Variants in ULK4 observed in about 807,000 individuals in gnomAD.
The protein encoded by ULK4 is inactive serine/threonine-protein kinase ULK4.
In ULK4, 133 loss-of-function variants were observed where a neutral mutation model predicts 160.6. That is an observed-to-expected ratio of 0.83 (90% CI 0.72 to 0.96). The LOEUF (loss-of-function observed/expected upper bound fraction) is 0.96, where lower values mean the gene tolerates loss of function less well. Ranked by LOEUF, ULK4 falls within the 40% of genes least tolerant of loss-of-function variation. The probability of loss-of-function intolerance (pLI) is 0.00; values close to 1 mark genes in which losing one functional copy is unlikely to be tolerated. For missense variants in ULK4, 1,580 were observed against 1,499.5 expected, an observed-to-expected ratio of 1.05 and a Z score of -0.89; for synonymous variants, 534 against 539.8, an observed-to-expected ratio of 0.99 and a Z score of 0.15.
chr3:41,682,853 T>C (rs2035967656), intron 27 of ULK4, among the ~76,000 whole-genome samples: 1 of 152,208 alleles, frequency 6.6e-6, no homozygotes, highest in Non-Finnish European at 1.5e-5. Flanking sequence ...CTGCTATCAA[T>C]ACTACCAACA....
At chr3:41,746,251 T>A (rs574746910) in intron 22 of ULK4, among the ~76,000 whole-genome samples, 1 of 68,988 alleles carries the variant, frequency 1.4e-5, no homozygotes, top group Admixed American at 2.1e-4. Context: ...ATTGGCTATA[T>A]AGAAAATCTC....
chr3:41,896,136 C>A (rs1431088720), intron 15 of ULK4, among the ~76,000 whole-genome samples: 1 of 152,160 alleles, frequency 6.6e-6, no homozygotes, highest in East Asian at 1.9e-4. Flanking sequence ...ACATCAGAAA[C>A]CCTGCAGTTT....
intron 35 of ULK4, among the ~76,000 whole-genome samples, chr3:41,312,503 C>A (rs532622915): frequency 1.3e-5 from 2 of 152,056 alleles, no homozygotes; most frequent in Admixed American, 1.3e-4. Context: ...CACTATACAT[C>A]AAAACTTGTG....
At chr3:41,813,771 C>G (rs2040881685) in intron 19 of ULK4, among the ~76,000 whole-genome samples, 1 of 152,202 alleles carries the variant, frequency 6.6e-6, no homozygotes, top group Non-Finnish European at 1.5e-5. Context: ...TTTGTGGGTA[C>G]TCACAATTCC....
At chr3:41,490,820 G>C (rs936324592) in intron 32 of ULK4, among the ~76,000 whole-genome samples, 3 of 152,110 alleles carry the variant, frequency 2.0e-5, no homozygotes, top group Non-Finnish European at 4.4e-5. Flanking sequence ...GAGACTATAA[G>C]ATAACACTAC....
chr3:41,453,295 C>A (rs116654930), intron 34 of ULK4, among the ~76,000 whole-genome samples: 6 of 152,238 alleles, frequency 3.9e-5, no homozygotes, highest in African/African-American at 1.4e-4. Flanking sequence ...CAAGCCTCAG[C>A]CTCCCAAGTA....
chr3:41,719,173 T>C lies in ULK4; in HGVS notation c.2322-1312A>G, dbSNP rs565406282. 3.3e-5 allele frequency among the ~76,000 whole-genome samples: 5 copies of C among 152,320 alleles called. No homozygotes were observed. The East Asian group carries it at 9.6e-4, about 29-fold the overall frequency. ...ACCTCATCCTTTATTAGCTTTCTTC[T>C]CCAGTTTCTCTGGTTGTTCCTTCTC... is the stretch of plus-strand genomic sequence containing the variant. On this transcript the variant is annotated intron_variant, in intron 22 of 36. Transcript: ENST00000301831.
At chr3:41,809,947 A>G (rs2040768557) in intron 19 of ULK4, among the ~76,000 whole-genome samples, 1 of 152,234 alleles carries the variant, frequency 6.6e-6, no homozygotes, top group African/African-American at 2.4e-5. Context: ...ACAGTAAAAG[A>G]CAAACACATT....
chr3:41,800,265 GCT>G lies in ULK4; in HGVS notation c.1875_1876del (p.Ala626LysfsTer4), dbSNP rs2040419431. The stretch of plus-strand genomic sequence containing the variant: ...GGTACAGACATTTTCAATAATTTTT[GCT>G]GCCATGTGATTCACAACACGCTCTT... On this transcript the variant is annotated frameshift_variant, in exon 20 of 37. Coordinates refer to ENST00000301831, the MANE Select transcript of ULK4 (RefSeq NM_017886.4). LOFTEE classifies it high-confidence loss of function. The G allele has an allele frequency of 1.2e-6, 2 of 1,612,554 alleles. No homozygotes were observed. Among genetic ancestry groups the G allele is most frequent in the African/African-American group, 2.7e-5 (2 of 74,758 alleles).
In ULK4 at chr3:41,754,408, A is replaced by G. The variant is rs377580198; in HGVS notation, c.2274T>C (p.Tyr758=). The G allele has an allele frequency of 1.9e-5, 31 of 1,613,750 alleles. No individual in the cohort carries two copies. In the African/African-American group the frequency reaches 3.6e-4, roughly 19 times the overall value. ...ACATCTCACGGTTATAAATCAAAAT[A>G]TATAGAAGAACCAGGAAGGCTTTTG... The part of the protein sequence containing the change: ...IRAKAFLVLL[Y]ILIYNREMLL... Residue 758 remains tyrosine (Y), a synonymous_variant, in exon 22 of 37, where the codon TAT becomes TAC. Coordinates refer to ENST00000301831, the MANE Select transcript of ULK4 (RefSeq NM_017886.4).
intron 13 of ULK4, 76 bp downstream of exon 13, chr3:41,900,649 T>C (rs1279449064): frequency 3.5e-6 from 4 of 1,154,006 alleles, no homozygotes; most frequent in Non-Finnish European, 5.1e-6. Context: ...GTAAATAATA[T>C]TCTGAATGAA....
At chr3:41,393,554 G>A (rs990454029) in intron 35 of ULK4, among the ~76,000 whole-genome samples, 10 of 152,002 alleles carry the variant, frequency 6.6e-5, no homozygotes, top group South Asian at 2.1e-4. Context: ...CTGTTCCGTC[G>A]GAACTTTCTT....
intron 32 of ULK4, among the ~76,000 whole-genome samples, chr3:41,493,159 A>C (rs1223678833): frequency 7.3e-6 from 1 of 137,598 alleles, no homozygotes; most frequent in Non-Finnish European, 1.6e-5. Flanking sequence ...CTATTCCAAA[A>C]TTGACCACAT....
At chr3:41,545,518 C>T (rs1015989664) in intron 32 of ULK4, among the ~76,000 whole-genome samples, 2 of 152,126 alleles carry the variant, frequency 1.3e-5, no homozygotes, top group Non-Finnish European at 2.9e-5. Flanking sequence ...ATTCATTACC[C>T]TTTATGTAAT....
intron 22 of ULK4, among the ~76,000 whole-genome samples, chr3:41,749,312 G>A (rs529307839): frequency 1.9e-4 from 29 of 152,102 alleles, no homozygotes; most frequent in Non-Finnish European, 2.4e-4. Flanking sequence ...GTGAAACCCC[G>A]TCCCTACTAA....
intron 7 of ULK4, 97 bp downstream of exon 7, chr3:41,918,359 TG>T: frequency 1.4e-6 from 1 of 705,522 alleles, no homozygotes; most frequent in Non-Finnish European, 2.3e-6. Context: ...AAGATAACTT[TG>T]GGGAGTTATG....
intron 32 of ULK4, among the ~76,000 whole-genome samples, chr3:41,556,672 A>G (rs2087313570): frequency 6.6e-6 from 1 of 151,902 alleles, no homozygotes. Flanking sequence ...TATTTTTAGT[A>G]GAGGCAGGGT....
At chr3:41,813,967 T>C (rs1414591062) in intron 19 of ULK4, among the ~76,000 whole-genome samples, 1 of 152,180 alleles carries the variant, frequency 6.6e-6, no homozygotes, top group Admixed American at 6.5e-5. Context: ...GAGTGAACTA[T>C]TGAGAGTGGT....
intron 35 of ULK4, among the ~76,000 whole-genome samples, chr3:41,396,023 G>A (rs2082051760): frequency 6.6e-6 from 1 of 152,066 alleles, no homozygotes; most frequent in Admixed American, 6.6e-5. Flanking sequence ...TAATCTGTAT[G>A]ATTAATTTGA....
Sources: allele counts gnomAD v4.1 joint callset (sites outside exome capture counted in the v4.1 genomes callset), GRCh38; gene constraint gnomAD v4.1.1; transcripts MANE v1.5; gene names NCBI Gene and HGNC (gene_info 2026-07-23, HGNC 2026-07-21).